ZNF780B: variants seen among roughly 807,000 people sequenced by gnomAD.
The protein encoded by ZNF780B is zinc finger protein 780B.
ZNF780B carries 52 observed loss-of-function variants against 74.1 expected under a neutral mutation model. The ratio of observed to expected loss-of-function variants is 0.70; its 90% CI spans 0.56 to 0.88. The LOEUF is 0.88. Ranked by LOEUF, ZNF780B falls within the 40% of genes least tolerant of loss-of-function variation. ZNF780B has a pLI of 0.00. For missense variants in ZNF780B, 953 were observed against 1,007.6 expected, an observed-to-expected ratio of 0.95 and a Z score of 0.73; for synonymous variants, 315 against 324.3, an observed-to-expected ratio of 0.97 and a Z score of 0.31.
intron 4 of ZNF780B, among the ~76,000 whole-genome samples, chr19:40,041,008 T>C (rs1972609230): frequency 6.6e-6 from 1 of 152,248 alleles, no homozygotes; most frequent in Non-Finnish European, 1.5e-5. Flanking sequence ...AGGGTGTCAA[T>C]TTTGGATCTT....
intron 1 of ZNF780B, among the ~76,000 whole-genome samples, chr19:40,051,462 G>A (rs1216930296): frequency 2.0e-5 from 3 of 151,966 alleles, no homozygotes; most frequent in Non-Finnish European, 4.4e-5. Context: ...CCAACACTAA[G>A]ATGTCTATGT....
rs1221163110 is a variant in ZNF780B at position 40,036,347 on chromosome 19, C to T, written c.512G>A (p.Gly171Glu). Residue 171 changes from glycine (G) to glutamate (E), a missense_variant, in exon 5 of 5, where the codon GGG becomes GAG. By Grantham distance (98) the Gly-to-Glu change is moderately conservative. Coordinates refer to ENST00000434248, the MANE Select transcript of ZNF780B (RefSeq NM_001005851.3). ...ATTTGAACCACAACTAAAGTATTTC[C>T]CACATTCCTTACATTCATATGGTTT... ...THKPYECKECGKYFSCGSNLI... is the reference protein window; with the variant it reads ...THKPYECKECEKYFSCGSNLI... 6.2e-7 allele frequency: 1 copy of T among 1,613,768 alleles called. No individual in the cohort carries two copies. The highest frequency in any genetic ancestry group is 1.1e-5 in the South Asian group (1 of 90,984).
chr19:40,051,143 CT>C (rs1973210798), intron 1 of ZNF780B, among the ~76,000 whole-genome samples: 1 of 152,044 alleles, frequency 6.6e-6, no homozygotes, highest in East Asian at 1.9e-4. Flanking sequence ...CAATTTTCTT[CT>C]TTTTGCTAAA....
At chr19:40,039,527 A>C (rs1972527523) in intron 4 of ZNF780B, among the ~76,000 whole-genome samples, 1 of 151,708 alleles carries the variant, frequency 6.6e-6, no homozygotes, top group Admixed American at 6.6e-5. Context: ...CATGATATTG[A>C]TTCTTCCTAC....
chr19:40,050,071 C>A (rs148886835), intron 2 of ZNF780B, among the ~76,000 whole-genome samples: 76 of 151,950 alleles, frequency 5.0e-4, no homozygotes, highest in Non-Finnish European at 9.3e-4. Context: ...CTGGTGGGTG[C>A]CTGTAGTCCC....
intron 1 of ZNF780B, among the ~76,000 whole-genome samples, chr19:40,054,201 G>A (rs1406829752): frequency 6.6e-6 from 1 of 152,124 alleles, no homozygotes; most frequent in Non-Finnish European, 1.5e-5. Flanking sequence ...AGAGAATGGT[G>A]TTTACAGGTC....
At chr19:40,052,463 T>G (rs1222109843) in intron 1 of ZNF780B, among the ~76,000 whole-genome samples, 1 of 152,150 alleles carries the variant, frequency 6.6e-6, no homozygotes, top group African/African-American at 2.4e-5. Flanking sequence ...CATTGATAAA[T>G]TTCCATAGTA....
chr19:40,048,555 G>A (rs779423683), intron 3 of ZNF780B, 115 bp downstream of exon 3: 11 of 1,516,388 alleles, frequency 7.3e-6, no homozygotes, highest in African/African-American at 5.5e-5. Context: ...CCATTCCTTC[G>A]GGAATAAGAA....
chr19:40,042,730 C>T (rs566984335), intron 4 of ZNF780B, among the ~76,000 whole-genome samples: 22 of 152,140 alleles, frequency 1.4e-4, no homozygotes, highest in South Asian at 1.2e-3. Context: ...ATGTAGTTCT[C>T]GAGCCTTGGC....
At chr19:40,039,946 T>C (rs1449449572) in intron 4 of ZNF780B, among the ~76,000 whole-genome samples, 1 of 152,070 alleles carries the variant, frequency 6.6e-6, no homozygotes, top group Non-Finnish European at 1.5e-5. Context: ...TCCAACACTA[T>C]GTTGAACAGG....
At chr19:40,054,290 TA>T (rs1176620775) in intron 1 of ZNF780B, among the ~76,000 whole-genome samples, 2 of 152,144 alleles carry the variant, frequency 1.3e-5, no homozygotes, top group Non-Finnish European at 2.9e-5. Flanking sequence ...TTCAGGAAGA[TA>T]AGAGAAATAA....
chr19:40,031,422 A>G lies in ZNF780B; in HGVS notation c.*2935T>C, dbSNP rs1295596318. 1 of 152,208 alleles carries G rather than the reference A, an allele frequency of 6.6e-6. No homozygotes were observed. Among genetic ancestry groups the G allele is most frequent in the Non-Finnish European group, 1.5e-5 (1 of 68,066 alleles). The allele number at this position is 152,208 out of a possible 1,614,324, so 9.4% of individuals were successfully genotyped here. On this transcript the variant is annotated 3_prime_UTR_variant, in exon 5 of 5. Transcript: ENST00000434248. ...TTTTTAGGAGAGATGGAGTTTTGCCATGTTGGCCAAGTTGGTCTCAAACTC... is the reference window on the plus strand; with the variant it reads ...TTTTTAGGAGAGATGGAGTTTTGCCGTGTTGGCCAAGTTGGTCTCAAACTC...
At chr19:40,048,121 G>GA (rs1973019710) in intron 3 of ZNF780B, among the ~76,000 whole-genome samples, 1 of 152,182 alleles carries the variant, frequency 6.6e-6, no homozygotes, top group Non-Finnish European at 1.5e-5. Context: ...AACCCAATCA[G>GA]TATATGTAAA....
intron 2 of ZNF780B, 86 bp downstream of exon 2, chr19:40,050,237 CG>C (rs1973151509): frequency 1.2e-6 from 1 of 831,632 alleles, no homozygotes; most frequent in Admixed American, 2.8e-5. Context: ...TGGATCCTTA[CG>C]TAAGAAGGTT....
At chr19:40,038,314 T>C (rs1972454850) in intron 4 of ZNF780B, among the ~76,000 whole-genome samples, 1 of 152,088 alleles carries the variant, frequency 6.6e-6, no homozygotes, top group African/African-American at 2.4e-5. Flanking sequence ...CAGTCTATCA[T>C]TGTTGGACAT....
rs576119624 is a variant in ZNF780B, at chr19:40,036,201, T to G, written c.658A>C (p.Thr220Pro). ...RHQKFHTGEKTFECKECGKAF... is the reference protein window; with the variant it reads ...RHQKFHTGEKPFECKECGKAF... The stretch of plus-strand genomic sequence containing the variant: ...TTTCCACATTCCTTACATTCAAAAG[T>G]TTTCTCACCAGTATGAAATTTCTGA... Residue 220 changes from threonine (T) to proline (P), a missense_variant, in exon 5 of 5, where the codon ACT becomes CCT. Physicochemically the swap from Thr to Pro is conservative, Grantham distance 38. Coordinates refer to ENST00000434248, the MANE Select transcript of ZNF780B (RefSeq NM_001005851.3). 1.9e-5 allele frequency: 30 copies of G among 1,612,752 alleles called. No homozygotes were observed. Among genetic ancestry groups the G allele is most frequent in the African/African-American group, 8.0e-5 (6 of 74,936 alleles).
In ZNF780B at chr19:40,056,226, A is replaced by G. The variant is rs1054027839; in HGVS notation, c.-83T>C. 2.6e-5 allele frequency: 4 copies of G among 152,320 alleles called. No homozygotes were observed. The highest frequency in any genetic ancestry group is 9.6e-5 in the African/African-American group (4 of 41,462). The allele number at this position is 152,320 out of a possible 1,614,324, so 9.4% of individuals were successfully genotyped here. On this transcript the variant is annotated 5_prime_UTR_variant, in exon 1 of 5. Transcript: ENST00000434248. ...TCAACCCCAGGAGACAGGAAGTGGA[A>G]CCGCTAATTCCGGTGCGGTGGCCTC...
rs1290923002 is a variant in ZNF780B at position 40,031,108 on chromosome 19, A to G, written c.*3249T>C. The G allele has an allele frequency of 6.6e-6, 1 of 152,262 alleles. No individual in the cohort carries two copies. Among genetic ancestry groups the G allele is most frequent in the East Asian group, 1.9e-4 (1 of 5,202 alleles). The allele number at this position is 152,262 out of a possible 1,614,324, so 9.4% of individuals were successfully genotyped here. A position where few individuals can be genotyped will look rare whatever the true frequency, so the allele number is the denominator to read the frequency against. ...ATTCATAAAAAGAAGAAAGCTATCA[A>G]TATAAATTATCACTTTATAGATTTT... On this transcript the variant is annotated 3_prime_UTR_variant, in exon 5 of 5. Coordinates refer to ENST00000434248, the MANE Select transcript of ZNF780B (RefSeq NM_001005851.3).
intron 2 of ZNF780B, among the ~76,000 whole-genome samples, chr19:40,049,479 T>C (rs1973108820): frequency 1.3e-5 from 2 of 152,164 alleles, no homozygotes; most frequent in Non-Finnish European, 2.9e-5. Context: ...TGTAATCACC[T>C]ACCACTCATG....
Sources: gnomAD v4.1 joint callset for allele counts (sites outside exome capture counted in the v4.1 genomes callset) on GRCh38, gnomAD v4.1.1 for gene constraint, MANE v1.5 for transcripts, NCBI Gene and HGNC (gene_info 2026-07-23, HGNC 2026-07-21) for gene names.